Variants in EPB41L2 observed in about 807,000 individuals in gnomAD.
The protein encoded by EPB41L2 is erythrocyte membrane protein band 4.1 like 2, also known as band 4.1-like protein 2.
In EPB41L2, 43 loss-of-function variants were observed where a neutral mutation model predicts 113.0. The ratio of observed to expected loss-of-function variants is 0.38; its 90% CI spans 0.30 to 0.49. EPB41L2 has a LOEUF of 0.49. Ranked by LOEUF, EPB41L2 falls within the 20% of genes least tolerant of loss-of-function variation. The pLI is 0.95. For missense variants in EPB41L2, 1,147 were observed against 1,223.4 expected (o/e 0.94, Z 0.93); for synonymous variants, 442 against 436.7 (o/e 1.01, Z -0.15).
chr6:130,974,077 G>A (rs567849211), intron 1 of EPB41L2, among the ~76,000 whole-genome samples: 1 of 152,150 alleles, frequency 6.6e-6, no homozygotes, highest in Non-Finnish European at 1.5e-5. Flanking sequence ...AAACTGAATT[G>A]CATCACCCTA....
chr6:130,961,285 T>C (rs893664218), intron 1 of EPB41L2, among the ~76,000 whole-genome samples: 3 of 152,212 alleles, frequency 2.0e-5, no homozygotes, highest in East Asian at 1.9e-4. Context: ...ACAATTACCA[T>C]GTTGGCATGC....
chr6:130,931,733 T>C (rs1486202706), intron 3 of EPB41L2, among the ~76,000 whole-genome samples: 1 of 152,130 alleles, frequency 6.6e-6, no homozygotes, highest in African/African-American at 2.4e-5. Flanking sequence ...TGGTAGCACA[T>C]AAAAATGTAC....
intron 10 of EPB41L2, among the ~76,000 whole-genome samples, chr6:130,892,403 C>CTTTTTGTTTTTTTTTTT (rs1793201982): frequency 1.1e-5 from 1 of 92,640 alleles, no homozygotes; most frequent in African/African-American, 3.5e-5. Flanking sequence ...CAGATTATTG[C>CTTTTTGTTTTTTTTTTT]TTTTTTTTTT....
chr6:130,889,404 G>A (rs1792060921), intron 11 of EPB41L2, among the ~76,000 whole-genome samples: 1 of 151,854 alleles, frequency 6.6e-6, no homozygotes, highest in Non-Finnish European at 1.5e-5. Context: ...CTTATTTCAT[G>A]TGTAGTTTAT....
At chr6:130,932,046 T>C (rs1206212658) in intron 3 of EPB41L2, among the ~76,000 whole-genome samples, 4 of 152,322 alleles carry the variant, frequency 2.6e-5, no homozygotes, top group East Asian at 1.9e-4. Flanking sequence ...GCTTATTACA[T>C]GGATTCATTA....
intron 19 of EPB41L2, among the ~76,000 whole-genome samples, chr6:130,856,616 A>G (rs946670410): frequency 2.0e-4 from 31 of 152,266 alleles, no homozygotes; most frequent in African/African-American, 7.5e-4. Context: ...ATGCAACAGC[A>G]GGTGGCTGTG....
intron 1 of EPB41L2, among the ~76,000 whole-genome samples, chr6:130,969,605 C>G (rs116573617): frequency 0.011 from 1,648 of 152,198 alleles, 40 homozygotes; most frequent in African/African-American, 0.037. Flanking sequence ...CAATATCAAA[C>G]CAATAACCAG....
chr6:131,053,759 T>G (rs1797089257), intron 1 of EPB41L2, among the ~76,000 whole-genome samples: 2 of 152,272 alleles, frequency 1.3e-5, no homozygotes, highest in Admixed American at 1.3e-4. Context: ...AACATTTTGT[T>G]GCTTACTCAT....
At chr6:130,870,311 T>G (rs185805423) in intron 14 of EPB41L2, 185 bp from the exon 15 acceptor site, 8 of 1,550,400 alleles carry the variant, frequency 5.2e-6, no homozygotes, top group Non-Finnish European at 7.0e-6. Flanking sequence ...GGTGTTAACA[T>G]GGAAAAAGGG....
At chr6:130,934,796 CTTT>C (rs34793686) in intron 3 of EPB41L2, among the ~76,000 whole-genome samples, 3 of 129,286 alleles carry the variant, frequency 2.3e-5, no homozygotes, top group Admixed American at 7.7e-5. Context: ...TTTTTGTTTT[CTTT>C]TTTTTTTTTT....
At chr6:131,026,650 A>G (rs1790922081) in intron 1 of EPB41L2, among the ~76,000 whole-genome samples, 1 of 152,186 alleles carries the variant, frequency 6.6e-6, no homozygotes, top group African/African-American at 2.4e-5. Context: ...CCTGGTATAC[A>G]CCACCAGTTT....
chr6:130,902,711 T>A (rs1003184303), intron 6 of EPB41L2, among the ~76,000 whole-genome samples: 7 of 152,162 alleles, frequency 4.6e-5, no homozygotes, highest in African/African-American at 1.7e-4. Context: ...ACACAAAGAT[T>A]TCATCTTGTT....
chr6:130,910,634 A>G (rs1799076239), intron 4 of EPB41L2, among the ~76,000 whole-genome samples: 1 of 152,242 alleles, frequency 6.6e-6, no homozygotes, highest in Non-Finnish European at 1.5e-5. Context: ...TCCATCTGAC[A>G]AAGGGCTAAT....
At position 130,939,460 on chromosome 6, in the gene EPB41L2, G is replaced by A. The variant is rs141575767; in HGVS notation, c.706-12751C>T. On this transcript the variant is annotated intron_variant, in intron 3 of 19. Transcript: ENST00000337057. ...AGTAGAGATGTGGTTTCTCCATGTT[G>A]GCCAGGCTGGTCTCAAACTCCTGAC... is the stretch of plus-strand genomic sequence containing the variant. Among the ~76,000 whole-genome samples the A allele has an allele frequency of 5.2e-3, 797 of 151,946 alleles. 6 individuals carry two copies. The highest frequency in any genetic ancestry group is 0.019 in the African/African-American group (783 of 41,420).
At chr6:130,859,896 C>T (rs1005370827) in intron 18 of EPB41L2, among the ~76,000 whole-genome samples, 5 of 152,262 alleles carry the variant, frequency 3.3e-5, no homozygotes, top group East Asian at 3.9e-4. Context: ...AAACATGGAA[C>T]CAGACTCCAA....
chr6:130,886,034 T>G (rs917143238), intron 11 of EPB41L2, among the ~76,000 whole-genome samples: 9 of 152,266 alleles, frequency 5.9e-5, no homozygotes, highest in Middle Eastern at 3.4e-3. Flanking sequence ...AAGTGAGTAG[T>G]AGGTGGCAGG....
At chr6:131,003,338 G>T (rs1191987161) in intron 1 of EPB41L2, among the ~76,000 whole-genome samples, 2 of 152,124 alleles carry the variant, frequency 1.3e-5, no homozygotes, top group Non-Finnish European at 2.9e-5. Flanking sequence ...ATGAGGCCAG[G>T]TCTCATTTTA....
rs3777433 is a variant in EPB41L2 at position 130,864,197 on chromosome 6, A to G, written c.2830-479T>C. The stretch of plus-strand genomic sequence containing the variant: ...TGTTTTTGGTTTGAGAAACTGTTTG[A>G]TGTGATATATATTTTTTTCCCATCA... On this transcript the variant is annotated intron_variant, in intron 17 of 19. Transcript: ENST00000337057. Among the ~76,000 whole-genome samples the G allele has an allele frequency of 0.02, 3,035 of 152,274 alleles. 194 individuals carry two copies. The East Asian group carries it at 0.26, about 13-fold the overall frequency.
chr6:130,973,324 T>C (rs1472353822), intron 1 of EPB41L2, among the ~76,000 whole-genome samples: 1 of 152,008 alleles, frequency 6.6e-6, no homozygotes, highest in African/African-American at 2.4e-5. Context: ...TTACTACCCA[T>C]CATAAAGTTT....
Sources: gnomAD v4.1 joint callset for allele counts (sites outside exome capture counted in the v4.1 genomes callset) on GRCh38, gnomAD v4.1.1 for gene constraint, MANE v1.5 for transcripts, NCBI Gene and HGNC (gene_info 2026-07-23, HGNC 2026-07-21) for gene names.